The following ADK variants were observed in gnomAD, a reference collection of about 807,000 sequenced individuals.
ADK encodes the protein adenosine kinase.
ADK carries 24 observed loss-of-function variants against 44.7 expected under a neutral mutation model. That is an observed-to-expected ratio of 0.54 (90% CI 0.39 to 0.76). The LOEUF is 0.76. ADK is among the 30% of genes least tolerant of loss of function. The pLI is 0.00. For synonymous variants in ADK, 128 were observed against 142.6 expected (o/e 0.90, Z 0.73); for missense variants, 321 against 425.1 (o/e 0.76, Z 2.15).
intron 4 of ADK, among the ~76,000 whole-genome samples, chr10:74,341,801 A>G (rs1336072563): frequency 1.3e-5 from 2 of 152,122 alleles, no homozygotes; most frequent in East Asian, 1.9e-4. Context: ...TATGAACATC[A>G]TTAGTACAGC....
chr10:74,503,255 C>G (rs1353306662), intron 6 of ADK, among the ~76,000 whole-genome samples: 1 of 152,110 alleles, frequency 6.6e-6, no homozygotes, highest in East Asian at 1.9e-4. Flanking sequence ...AGAGCAGATT[C>G]TACAGAGTGA....
chr10:74,457,594 A>G (rs900901340), intron 6 of ADK, among the ~76,000 whole-genome samples: 1 of 152,380 alleles, frequency 6.6e-6, no homozygotes, highest in South Asian at 2.1e-4. Flanking sequence ...ACTGTTCACA[A>G]TAGCAAAGAC....
intron 1 of ADK, among the ~76,000 whole-genome samples, chr10:74,191,106 G>C (rs1354369000): frequency 2.0e-5 from 3 of 151,730 alleles, no homozygotes; most frequent in African/African-American, 7.3e-5. Flanking sequence ...TCAGCCTCTG[G>C]AGTATCTGGG....
chr10:74,400,942 T>G (rs1050366481), intron 6 of ADK, among the ~76,000 whole-genome samples: 1 of 152,218 alleles, frequency 6.6e-6, no homozygotes, highest in Non-Finnish European at 1.5e-5. Flanking sequence ...AAGTTCACAC[T>G]GGAAACCTTC....
chr10:74,413,164 A>G (rs2132964337), intron 6 of ADK, among the ~76,000 whole-genome samples: 1 of 152,232 alleles, frequency 6.6e-6, no homozygotes, highest in Non-Finnish European at 1.5e-5. Flanking sequence ...ATAACTCTTA[A>G]GGGCTCTAGG....
chr10:74,393,804 C>T lies in ADK; in HGVS notation c.274-337C>T, dbSNP rs116062069. ...AGAGAGTCTTCAATCAAGATGGATTCTGCTCTTTTTATGACAATGCTAGAC... is the reference window on the plus strand; with the variant it reads ...AGAGAGTCTTCAATCAAGATGGATTTTGCTCTTTTTATGACAATGCTAGAC... On this transcript the variant is annotated intron_variant, in intron 4 of 10. Coordinates refer to ENST00000539909, the MANE Select transcript of ADK (RefSeq NM_006721.4). Among the ~76,000 whole-genome samples, 508 of 152,244 alleles carry T rather than the reference C, an allele frequency of 3.3e-3. 3 individuals carry two copies. The highest frequency in any genetic ancestry group is 0.012 in the African/African-American group (479 of 41,546).
chr10:74,543,629 C>T (rs1410269321), intron 7 of ADK, among the ~76,000 whole-genome samples: 4 of 152,152 alleles, frequency 2.6e-5, no homozygotes, highest in African/African-American at 4.8e-5. Context: ...TGTTTTCATT[C>T]TCAGCAGTAG....
At chr10:74,312,433 T>C (rs1452747466) in intron 3 of ADK, among the ~76,000 whole-genome samples, 1 of 151,962 alleles carries the variant, frequency 6.6e-6, no homozygotes, top group Non-Finnish European at 1.5e-5. Context: ...CACTTTTTTT[T>C]TTTTTTTAGA....
chr10:74,687,338 G>C (rs12360399), intron 10 of ADK, among the ~76,000 whole-genome samples: 1 of 151,984 alleles, frequency 6.6e-6, no homozygotes, highest in Non-Finnish European at 1.5e-5. Context: ...TTCCCAGCCT[G>C]TCTTTGTTTT....
At chr10:74,523,146 T>C (rs1055793892) in intron 6 of ADK, among the ~76,000 whole-genome samples, 2 of 152,202 alleles carry the variant, frequency 1.3e-5, no homozygotes, top group African/African-American at 4.8e-5. Flanking sequence ...TATGTCCACC[T>C]CATAGGTTTG....
intron 9 of ADK, among the ~76,000 whole-genome samples, chr10:74,651,337 A>T (rs1039418916): frequency 6.6e-6 from 1 of 152,128 alleles, no homozygotes; most frequent in African/African-American, 2.4e-5. Flanking sequence ...CTTCTTTAAA[A>T]TTTTTTGATA....
intron 4 of ADK, among the ~76,000 whole-genome samples, chr10:74,387,347 T>A (rs1166267718): frequency 6.6e-6 from 1 of 152,194 alleles, no homozygotes; most frequent in African/African-American, 2.4e-5. Context: ...GTGAAACAAA[T>A]GAGGGTGATG....
chr10:74,272,733 A>C (rs1846482752), intron 3 of ADK, among the ~76,000 whole-genome samples: 1 of 152,204 alleles, frequency 6.6e-6, no homozygotes. Flanking sequence ...GTTTACAGAA[A>C]TTTGCTGTTA....
chr10:74,276,601 A>G (rs1846687787), intron 3 of ADK, among the ~76,000 whole-genome samples: 2 of 152,218 alleles, frequency 1.3e-5, no homozygotes, highest in African/African-American at 4.8e-5. Flanking sequence ...AGAAATCAAG[A>G]TGCTGGGAGG....
At chr10:74,454,594 A>G (rs1486700719) in intron 6 of ADK, among the ~76,000 whole-genome samples, 1 of 152,174 alleles carries the variant, frequency 6.6e-6, no homozygotes, top group Admixed American at 6.5e-5. Context: ...AGGAGAGGAA[A>G]AAAAATATCT....
chr10:74,243,896 T>C (rs1000074575), intron 3 of ADK, among the ~76,000 whole-genome samples: 1 of 152,190 alleles, frequency 6.6e-6, no homozygotes, highest in African/African-American at 2.4e-5. Flanking sequence ...CACACTATCT[T>C]TTTTGAAGAT....
At chr10:74,527,053 T>A (rs2133634413) in intron 7 of ADK, among the ~76,000 whole-genome samples, 1 of 152,250 alleles carries the variant, frequency 6.6e-6, no homozygotes, top group South Asian at 2.1e-4. Context: ...TTAAAACTTT[T>A]AAAAAAGATA....
intron 3 of ADK, among the ~76,000 whole-genome samples, chr10:74,255,119 G>A (rs1446663838): frequency 6.6e-6 from 1 of 152,142 alleles, no homozygotes; most frequent in African/African-American, 2.4e-5. Context: ...TAGTAGGTTG[G>A]GGATATGCAG....
rs560774385 is a variant in ADK at position 74,302,470 on chromosome 10, C to T, written c.195-12197C>T. Among the ~76,000 whole-genome samples the T allele has an allele frequency of 2.0e-5, 3 of 151,606 alleles. No homozygotes were observed. In the East Asian group the frequency reaches 6.0e-4, roughly 30 times the overall value. Reference sequence around the variant, plus strand: ...TTGATGGTTTTCTCAGAGTGCTTTACTTTTGAAGTCCAGTTTGTACTGGAA... The same window carrying T: ...TTGATGGTTTTCTCAGAGTGCTTTATTTTTGAAGTCCAGTTTGTACTGGAA... On this transcript the variant is annotated intron_variant, in intron 3 of 10. Coordinates refer to ENST00000539909, the MANE Select transcript of ADK (RefSeq NM_006721.4).
Sources: gnomAD v4.1 joint callset for allele counts (sites outside exome capture counted in the v4.1 genomes callset) on GRCh38, gnomAD v4.1.1 for gene constraint, MANE v1.5 for transcripts, NCBI Gene and HGNC (gene_info 2026-07-23, HGNC 2026-07-21) for gene names.